The following NKAIN2 variants were observed in gnomAD, a reference collection of about 807,000 sequenced individuals.
NKAIN2 encodes sodium/potassium-transporting ATPase subunit beta-1-interacting protein 2.
A neutral mutation model predicts 32.6 loss-of-function variants in NKAIN2; 14 were observed. The ratio of observed to expected loss-of-function variants is 0.43; its 90% CI spans 0.28 to 0.67. The LOEUF (loss-of-function observed/expected upper bound fraction) is 0.67. Ranked by LOEUF, NKAIN2 falls within the 30% of genes least tolerant of loss-of-function variation. The pLI is 0.17. For synonymous variants in NKAIN2, 80 were observed against 87.2 expected (o/e 0.92, Z 0.46); for missense variants, 198 against 258.3 (o/e 0.77, Z 1.60).
At chr6:124,301,697 G>T (rs1052651844) in intron 2 of NKAIN2, among the ~76,000 whole-genome samples, 3 of 152,208 alleles carry the variant, frequency 2.0e-5, no homozygotes, top group Admixed American at 6.5e-5. Context: ...GGAGCTTTCA[G>T]ATTTGACTGC....
chr6:124,420,706 G>A (rs1020279239), intron 3 of NKAIN2, among the ~76,000 whole-genome samples: 14 of 152,000 alleles, frequency 9.2e-5, no homozygotes, highest in African/African-American at 2.2e-4. Context: ...TTTGCTTTGC[G>A]GGGTCACATC....
chr6:123,830,639 A>G (rs1445342839), intron 1 of NKAIN2, among the ~76,000 whole-genome samples: 1 of 152,250 alleles, frequency 6.6e-6, no homozygotes, highest in African/African-American at 2.4e-5. Flanking sequence ...CACCCACTGA[A>G]AAATTTAGAA....
intron 3 of NKAIN2, among the ~76,000 whole-genome samples, chr6:124,479,300 G>T (rs1001154816): frequency 6.6e-6 from 1 of 152,086 alleles, no homozygotes; most frequent in African/African-American, 2.4e-5. Flanking sequence ...CTTAGCTATG[G>T]GAAACATACC....
At chr6:124,241,690 T>C (rs557263761) in intron 1 of NKAIN2, among the ~76,000 whole-genome samples, 2 of 152,196 alleles carry the variant, frequency 1.3e-5, no homozygotes, top group East Asian at 1.9e-4. Flanking sequence ...GCTAGCCATA[T>C]GCACCCTTGT....
At chr6:124,230,219 G>T (rs1321308538) in intron 1 of NKAIN2, among the ~76,000 whole-genome samples, 1 of 152,142 alleles carries the variant, frequency 6.6e-6, no homozygotes, top group Non-Finnish European at 1.5e-5. Flanking sequence ...CTGCCCTAGA[G>T]ATTTGTGGAA....
At chr6:123,951,284 A>G (rs1470606165) in intron 1 of NKAIN2, among the ~76,000 whole-genome samples, 4 of 151,942 alleles carry the variant, frequency 2.6e-5, no homozygotes, top group Admixed American at 2.6e-4. Flanking sequence ...ACTTGGTCTG[A>G]TGTACAGTTT....
At chr6:123,833,805 G>T (rs1456964038) in intron 1 of NKAIN2, among the ~76,000 whole-genome samples, 2 of 148,588 alleles carry the variant, frequency 1.3e-5, no homozygotes, top group Non-Finnish European at 3.0e-5. Context: ...TCGGCTCACT[G>T]CAACCTCCAC....
chr6:124,626,568 G>GACTC (rs570738868), intron 3 of NKAIN2, among the ~76,000 whole-genome samples: 78 of 152,254 alleles, frequency 5.1e-4, no homozygotes, highest in South Asian at 3.3e-3. Flanking sequence ...TATGTGTAAT[G>GACTC]ACTCATGCTT....
At position 124,413,016 on chromosome 6, in the gene NKAIN2, G is replaced by A. The variant is rs565538419; in HGVS notation, c.273+57669G>A. On this transcript the variant is annotated intron_variant, in intron 3 of 6. Coordinates refer to ENST00000368417, the MANE Select transcript of NKAIN2 (RefSeq NM_001040214.3). Reference sequence around the variant, plus strand: ...TCCTGGTGTGCCGTTTGTTAAGCCCGTTGGAAAAGTGCAGTATTAAAGTGG... The same window carrying A: ...TCCTGGTGTGCCGTTTGTTAAGCCCATTGGAAAAGTGCAGTATTAAAGTGG... Among the ~76,000 whole-genome samples the A allele has an allele frequency of 1.6e-4, 24 of 152,264 alleles. 1 individual carries two copies. The highest frequency in any genetic ancestry group is 6.8e-3 in the Middle Eastern group (2 of 294).
At chr6:124,491,972 T>G (rs989087430) in intron 3 of NKAIN2, among the ~76,000 whole-genome samples, 10 of 151,904 alleles carry the variant, frequency 6.6e-5, no homozygotes, top group African/African-American at 2.4e-4. Context: ...TACTCAGTAG[T>G]AGCAAAGAGT....
intron 4 of NKAIN2, among the ~76,000 whole-genome samples, chr6:124,732,440 GC>G (rs1776729212): frequency 2.0e-5 from 3 of 152,018 alleles, no homozygotes; most frequent in Non-Finnish European, 4.4e-5. Context: ...CATGAAACAT[GC>G]AATGATTCCA....
chr6:123,905,975 G>T (rs1317975548), intron 1 of NKAIN2, among the ~76,000 whole-genome samples: 4 of 152,084 alleles, frequency 2.6e-5, no homozygotes, highest in African/African-American at 9.7e-5. Context: ...GAATTGTTTT[G>T]TGCCTTTTCA....
At chr6:123,842,772 C>A (rs1774927624) in intron 1 of NKAIN2, among the ~76,000 whole-genome samples, 1 of 152,092 alleles carries the variant, frequency 6.6e-6, no homozygotes, top group African/African-American at 2.4e-5. Flanking sequence ...CTAAAGACCC[C>A]ATGCTAGTTA....
intron 3 of NKAIN2, among the ~76,000 whole-genome samples, chr6:124,409,748 G>A (rs544199062): frequency 1.0e-3 from 152 of 152,244 alleles, no homozygotes; most frequent in African/African-American, 3.4e-3. Flanking sequence ...CTATTGATTG[G>A]AATAGTTTCA....
At chr6:124,258,716 A>T (rs1331644950) in intron 1 of NKAIN2, among the ~76,000 whole-genome samples, 1 of 152,214 alleles carries the variant, frequency 6.6e-6, no homozygotes, top group Admixed American at 6.5e-5. Context: ...ATTAAATAGT[A>T]CGTATGTAGC....
At chr6:124,442,155 C>G (rs561570892) in intron 3 of NKAIN2, among the ~76,000 whole-genome samples, 1 of 152,134 alleles carries the variant, frequency 6.6e-6, no homozygotes, top group South Asian at 2.1e-4. Flanking sequence ...CCTTCCAGAT[C>G]CATAATCAAC....
At chr6:124,625,891 C>CAA (rs3050773) in intron 3 of NKAIN2, among the ~76,000 whole-genome samples, 60,402 of 151,466 alleles carry the variant, frequency 0.4, 12,816 homozygotes, top group Middle Eastern at 0.52. Flanking sequence ...CTCTAACAAA[C>CAA]AAACATATTG....
chr6:124,471,119 C>T (rs1462168746), intron 3 of NKAIN2, among the ~76,000 whole-genome samples: 2 of 152,116 alleles, frequency 1.3e-5, no homozygotes, highest in African/African-American at 2.4e-5. Flanking sequence ...AAAAAGTTTG[C>T]CAACTCCTGG....
At chr6:124,283,255 C>T in intron 2 of NKAIN2, 113 bp downstream of exon 2, 1 of 662,636 alleles carries the variant, frequency 1.5e-6, no homozygotes, top group Non-Finnish European at 2.6e-6. Flanking sequence ...TGGATACTCT[C>T]TTTTAAGTAC....
Sources: allele counts gnomAD v4.1 joint callset (sites outside exome capture counted in the v4.1 genomes callset), GRCh38; gene constraint gnomAD v4.1.1; transcripts MANE v1.5; gene names NCBI Gene and HGNC (gene_info 2026-07-23, HGNC 2026-07-21).